The following RIMS2 variants were observed in gnomAD, a reference collection of about 807,000 sequenced individuals.
RIMS2 encodes the protein regulating synaptic membrane exocytosis 2, also known as regulating synaptic membrane exocytosis protein 2.
A neutral mutation model predicts 174.4 loss-of-function variants in RIMS2; 59 were observed. That is an observed-to-expected ratio of 0.34 (90% confidence interval 0.27 to 0.42). RIMS2 has a LOEUF of 0.42. Ranked by LOEUF, RIMS2 falls within the 10% of genes least tolerant of loss-of-function variation. The pLI, the probability that RIMS2 is intolerant of heterozygous loss-of-function variation, is 1.00. For synonymous variants in RIMS2, 606 were observed against 572.5 expected, an observed-to-expected ratio of 1.06 and a Z score of -0.84; for missense variants, 1,620 against 1,666.3, an observed-to-expected ratio of 0.97 and a Z score of 0.48.
chr8:103,883,182 A>G (rs1366668352), intron 3 of RIMS2, among the ~76,000 whole-genome samples: 1 of 151,772 alleles, frequency 6.6e-6, no homozygotes, highest in African/African-American at 2.4e-5. Context: ...AACCTAATAT[A>G]TGTTTGTTAA....
chr8:103,777,626 A>G (rs1311458895), intron 3 of RIMS2, among the ~76,000 whole-genome samples: 1 of 151,990 alleles, frequency 6.6e-6, no homozygotes, highest in African/African-American at 2.4e-5. Context: ...CTAAGATAGC[A>G]TATAGTTGAA....
intron 17 of RIMS2, among the ~76,000 whole-genome samples, chr8:104,012,354 CTT>C (rs56206546): frequency 2.2e-4 from 30 of 138,986 alleles, no homozygotes; most frequent in Admixed American, 2.9e-4. Context: ...TCCTTTTTTT[CTT>C]TTTTTTTTTT....
At chr8:103,690,503 A>G (rs893087566) in intron 1 of RIMS2, among the ~76,000 whole-genome samples, 3 of 152,202 alleles carry the variant, frequency 2.0e-5, no homozygotes, top group African/African-American at 7.2e-5. Flanking sequence ...TTAATAAATA[A>G]CATCTTAGAA....
intron 1 of RIMS2, among the ~76,000 whole-genome samples, chr8:103,626,039 CATA>C (rs1367826269): frequency 6.6e-6 from 1 of 151,962 alleles, no homozygotes; most frequent in African/African-American, 2.4e-5. Flanking sequence ...ATACCTGTCA[CATA>C]ATAAGTATGT....
chr8:103,546,040 C>A (rs1222790897), intron 1 of RIMS2, among the ~76,000 whole-genome samples: 1 of 152,104 alleles, frequency 6.6e-6, no homozygotes, highest in Admixed American at 6.6e-5. Flanking sequence ...CAGTACTAAC[C>A]TGGAATGTAA....
At chr8:103,606,908 A>C (rs1286985032) in intron 1 of RIMS2, among the ~76,000 whole-genome samples, 1 of 151,566 alleles carries the variant, frequency 6.6e-6, no homozygotes, top group Admixed American at 6.6e-5. Flanking sequence ...TGCACGTGAG[A>C]TGGGTTTCCT....
At chr8:103,633,587 T>C (rs1202427085) in intron 1 of RIMS2, among the ~76,000 whole-genome samples, 1 of 152,226 alleles carries the variant, frequency 6.6e-6, no homozygotes, top group East Asian at 1.9e-4. Context: ...CTCAGTTATT[T>C]CATATAGTTT....
rs1830943658 is a variant in RIMS2 at position 103,520,160 on chromosome 8, A to G, written c.176+19098A>G. Reference sequence around the variant, plus strand: ...GTCTCTTTATCTATAAATTAAAAACAATGACTATTTCATAGGGTTGTGGTA... The same window carrying G: ...GTCTCTTTATCTATAAATTAAAAACGATGACTATTTCATAGGGTTGTGGTA... On this transcript the variant is annotated intron_variant, in intron 1 of 23. Transcript: ENST00000504942. Among the ~76,000 whole-genome samples the G allele has an allele frequency of 2.6e-5, 4 of 152,260 alleles. No homozygotes were observed. In the South Asian group the frequency reaches 8.3e-4, roughly 32 times the overall value.
intron 2 of RIMS2, among the ~76,000 whole-genome samples, chr8:103,737,636 G>T (rs1274534665): frequency 6.6e-6 from 1 of 152,146 alleles, no homozygotes; most frequent in South Asian, 2.1e-4. Flanking sequence ...ACACAGGGAA[G>T]GCAAAATGCA....
At chr8:103,516,671 A>G (rs1291091068) in intron 1 of RIMS2, among the ~76,000 whole-genome samples, 1 of 152,174 alleles carries the variant, frequency 6.6e-6, no homozygotes, top group African/African-American at 2.4e-5. Context: ...ATTCCTACAT[A>G]CTTTATGTGC....
chr8:103,922,913 C>T (rs570401425), intron 10 of RIMS2, among the ~76,000 whole-genome samples: 1 of 151,870 alleles, frequency 6.6e-6, no homozygotes, highest in South Asian at 2.1e-4. Flanking sequence ...GTGACAATAA[C>T]AGAAAAGTTA....
At chr8:104,230,960 CA>C (rs1262926777) in intron 19 of RIMS2, among the ~76,000 whole-genome samples, 2 of 152,106 alleles carry the variant, frequency 1.3e-5, no homozygotes, top group Non-Finnish European at 2.9e-5. Flanking sequence ...AAAATGTTGG[CA>C]CATGAATAAA....
chr8:103,878,743 C>A (rs2099153778), intron 3 of RIMS2, among the ~76,000 whole-genome samples: 1 of 150,822 alleles, frequency 6.6e-6, no homozygotes, highest in South Asian at 2.1e-4. Context: ...GATTCAATCT[C>A]ACTACTCATT....
intron 19 of RIMS2, among the ~76,000 whole-genome samples, chr8:104,090,714 G>A (rs1197673501): frequency 6.6e-6 from 1 of 151,792 alleles, no homozygotes; most frequent in East Asian, 1.9e-4. Flanking sequence ...GGATGAACCT[G>A]GCCAAATGGG....
chr8:103,948,398 C>A (rs2084368728), intron 14 of RIMS2, among the ~76,000 whole-genome samples: 1 of 152,132 alleles, frequency 6.6e-6, no homozygotes. Flanking sequence ...GCATTATTCA[C>A]AATGATTAAA....
At chr8:104,203,178 T>C (rs1423025314) in intron 19 of RIMS2, among the ~76,000 whole-genome samples, 1 of 152,178 alleles carries the variant, frequency 6.6e-6, no homozygotes, top group African/African-American at 2.4e-5. Context: ...GTATAAAATA[T>C]CAAGTTATTT....
chr8:103,701,935 T>C (rs1263161042), intron 2 of RIMS2, among the ~76,000 whole-genome samples: 2 of 152,114 alleles, frequency 1.3e-5, no homozygotes, highest in Non-Finnish European at 1.5e-5. Context: ...TTCCTTTCTT[T>C]TGGGTACATA....
At chr8:104,240,040 G>A (rs2099278515) in intron 19 of RIMS2, among the ~76,000 whole-genome samples, 1 of 152,130 alleles carries the variant, frequency 6.6e-6, no homozygotes, top group Admixed American at 6.5e-5. Flanking sequence ...TCCTTTCCAT[G>A]TGGCCCCTTC....
chr8:103,977,798 A>G (rs996296620), intron 16 of RIMS2, among the ~76,000 whole-genome samples: 3 of 152,236 alleles, frequency 2.0e-5, no homozygotes, highest in African/African-American at 7.2e-5. Context: ...GAACTCAGTT[A>G]AACACTTTAA....
Sources: gnomAD v4.1 joint callset for allele counts (sites outside exome capture counted in the v4.1 genomes callset) on GRCh38, gnomAD v4.1.1 for gene constraint, MANE v1.5 for transcripts, NCBI Gene and HGNC (gene_info 2026-07-23, HGNC 2026-07-21) for gene names.